Variants in MTMR14 observed in about 807,000 individuals in gnomAD.
MTMR14 encodes the protein myotubularin related protein 14, also known as phosphatidylinositol-3,5-bisphosphate 3-phosphatase MTMR14.
Under a neutral mutation model 86.3 loss-of-function variants are expected in MTMR14, and 48 were observed. The observed-to-expected ratio is 0.56, with a 90% confidence interval of 0.44 to 0.71. The LOEUF (loss-of-function observed/expected upper bound fraction) is 0.71. Among genes scored for constraint, MTMR14 ranks in the 30% least tolerant of loss-of-function variants. The probability of loss-of-function intolerance (pLI) is 0.00; values close to 1 mark genes in which losing one functional copy is unlikely to be tolerated. For synonymous variants in MTMR14, 366 were observed against 326.1 expected (o/e 1.12, Z -1.32); for missense variants, 780 against 834.6 (o/e 0.93, Z 0.81).
chr3:9,652,299 T>C (rs2047347788), intron 1 of MTMR14, among the ~76,000 whole-genome samples: 2 of 152,346 alleles, frequency 1.3e-5, no homozygotes, highest in Non-Finnish European at 2.9e-5. Context: ...ACAGTTCTTA[T>C]GCCTTTTTTC....
chr3:9,665,761 C>T (rs1299170768), intron 3 of MTMR14, among the ~76,000 whole-genome samples: 4 of 145,152 alleles, frequency 2.8e-5, no homozygotes, highest in Admixed American at 7.0e-5. Context: ...GACAGAGTCT[C>T]GCTGTCGCCC....
At chr3:9,698,648 G>A (rs543675678) in intron 18 of MTMR14, among the ~76,000 whole-genome samples, 99 of 152,312 alleles carry the variant, frequency 6.5e-4, no homozygotes, top group African/African-American at 2.4e-3. Flanking sequence ...GTTGGCAGGT[G>A]GGAGGCAGGG....
intron 10 of MTMR14, among the ~76,000 whole-genome samples, chr3:9,683,965 C>T (rs932312243): frequency 2.6e-5 from 4 of 152,196 alleles, no homozygotes; most frequent in African/African-American, 4.8e-5. Flanking sequence ...AGCTTATGCT[C>T]ATTGGCCCAG....
intron 10 of MTMR14, 55 bp downstream of exon 10, chr3:9,683,299 G>A: frequency 4.6e-6 from 7 of 1,515,248 alleles, no homozygotes; most frequent in Admixed American, 1.7e-5. Context: ...GGAGTTCCCA[G>A]TTCATTCTGC....
intron 3 of MTMR14, 73 bp from the exon 4 acceptor site, chr3:9,668,646 A>C: frequency 6.7e-7 from 1 of 1,489,514 alleles, no homozygotes; most frequent in Non-Finnish European, 9.4e-7. Context: ...GAGTCAGAGG[A>C]GTCCCACATG....
intron 9 of MTMR14, among the ~76,000 whole-genome samples, chr3:9,682,463 G>A (rs917493695): frequency 6.6e-6 from 1 of 152,194 alleles, no homozygotes; most frequent in Non-Finnish European, 1.5e-5. Context: ...AACTGGGTCA[G>A]GCCCTTCCAT....
At chr3:9,667,339 T>A (rs1296563332) in intron 3 of MTMR14, among the ~76,000 whole-genome samples, 1 of 152,152 alleles carries the variant, frequency 6.6e-6, no homozygotes, top group Non-Finnish European at 1.5e-5. Context: ...GACTGACTTC[T>A]TAAAGCAAGG....
intron 2 of MTMR14, among the ~76,000 whole-genome samples, chr3:9,657,298 C>T (rs993729971): frequency 6.6e-6 from 1 of 152,100 alleles, no homozygotes; most frequent in Non-Finnish European, 1.5e-5. Flanking sequence ...GGTGGGCCTG[C>T]GATTTGGCAT....
At chr3:9,689,372 C>T (rs1262761231) in intron 16 of MTMR14, among the ~76,000 whole-genome samples, 1 of 152,008 alleles carries the variant, frequency 6.6e-6, no homozygotes, top group Non-Finnish European at 1.5e-5. Flanking sequence ...TGGAGGAGCT[C>T]CATTTTATCA....
At chr3:9,649,765 CTGGGGAAGGCTCCTAACT>C in intron 1 of MTMR14, 23 bp downstream of exon 1, 1 of 1,612,494 alleles carries the variant, frequency 6.2e-7, no homozygotes, top group Non-Finnish European at 8.5e-7. Context: ...GTGCGATGAG[CTGGGGAAGGCTCCTAACT>C]TGGGAAGTTA....
At chr3:9,657,147 G>A (rs1274185099) in intron 2 of MTMR14, among the ~76,000 whole-genome samples, 1 of 151,796 alleles carries the variant, frequency 6.6e-6, no homozygotes, top group Non-Finnish European at 1.5e-5. Flanking sequence ...GAGCTCAACA[G>A]ATTTCCTCAC....
intron 2 of MTMR14, among the ~76,000 whole-genome samples, chr3:9,655,929 G>T (rs561128695): frequency 6.6e-6 from 1 of 152,022 alleles, no homozygotes; most frequent in Admixed American, 6.5e-5. Flanking sequence ...TCTTGGCCGG[G>T]CGTGCTGGCT....
chr3:9,671,036 T>C lies in MTMR14; in HGVS notation c.555-12T>C. ...ATGCCATGTAACTTCTCCCTCTGGC[T>C]CTTTATTTCAGAAGTGGTGACACGC... On this transcript the variant is annotated splice_polypyrimidine_tract_variant and intron_variant, in intron 5 of 18. Coordinates refer to ENST00000296003, the MANE Select transcript of MTMR14 (RefSeq NM_001077525.3). The C allele has an allele frequency of 6.2e-7, 1 of 1,614,102 alleles. No homozygotes were observed. The highest frequency in any genetic ancestry group is 8.5e-7 in the Non-Finnish European group (1 of 1,179,974).
intron 13 of MTMR14, among the ~76,000 whole-genome samples, chr3:9,685,816 C>T (rs1160686528): frequency 6.6e-6 from 1 of 152,172 alleles, no homozygotes; most frequent in Non-Finnish European, 1.5e-5. Context: ...CGGCCACTCT[C>T]CGCAGGCCTT....
At chr3:9,668,542 G>A (rs7643103) in intron 3 of MTMR14, among the ~76,000 whole-genome samples, 177 bp from the exon 4 acceptor site, 3,833 of 152,304 alleles carry the variant, frequency 0.025, 90 homozygotes, top group African/African-American at 0.067. Context: ...AGAGGTTGTG[G>A]ATTAAGTACT....
chr3:9,661,756 G>T (rs2047946380), intron 2 of MTMR14, among the ~76,000 whole-genome samples: 1 of 151,752 alleles, frequency 6.6e-6, no homozygotes, highest in Admixed American at 6.6e-5. Context: ...TCAGAAATCA[G>T]AGTGATTTAA....
rs1262648222 is a variant in MTMR14, at chr3:9,661,237, C to G, written c.309-1030C>G. ...ACAGCACTCCCCAACCTTTTTGGCA[C>G]CAGGGACTGGTTTCATGGAAAACAA... is the stretch of plus-strand genomic sequence containing the variant. On this transcript the variant is annotated intron_variant, in intron 2 of 18. Transcript: ENST00000296003. Among the ~76,000 whole-genome samples the G allele has an allele frequency of 3.9e-5, 6 of 152,202 alleles. No individual in the cohort carries two copies. The East Asian group carries it at 1.2e-3, about 29-fold the overall frequency.
intron 18 of MTMR14, 133 bp downstream of exon 18, chr3:9,697,999 C>G: frequency 7.8e-7 from 1 of 1,276,948 alleles, no homozygotes; most frequent in Non-Finnish European, 1.1e-6. Flanking sequence ...CCTCTCTCAG[C>G]TGCTGGACCC....
At chr3:9,655,545 C>T (rs1172126157) in intron 2 of MTMR14, among the ~76,000 whole-genome samples, 6 of 146,056 alleles carry the variant, frequency 4.1e-5, no homozygotes, top group Non-Finnish European at 6.0e-5. Context: ...ACTGCAACCT[C>T]TGCCTCCCGG....
Sources: allele counts gnomAD v4.1 joint callset (sites outside exome capture counted in the v4.1 genomes callset), GRCh38; gene constraint gnomAD v4.1.1; transcripts MANE v1.5; gene names NCBI Gene and HGNC (gene_info 2026-07-23, HGNC 2026-07-21).